CELF4: variants seen among roughly 807,000 people sequenced by gnomAD.
CELF4 encodes the protein CUGBP Elav-like family member 4, also known as CUG-BP- and ETR-3-like factor 4.
In CELF4, 18 loss-of-function variants were observed where a neutral mutation model predicts 59.9. The observed-to-expected ratio is 0.30, with a 90% CI of 0.21 to 0.45. CELF4 has a LOEUF of 0.45. CELF4 is among the 20% of genes least tolerant of loss of function. CELF4 has a pLI of 1.00. For synonymous variants in CELF4, 261 were observed against 267.1 expected, an observed-to-expected ratio of 0.98 and a Z score of 0.22; for missense variants, 456 against 689.0, an observed-to-expected ratio of 0.66 and a Z score of 3.79.
rs191018945 is a variant in CELF4 at position 37,384,159 on chromosome 18, C to G, written c.370-62278G>C. Among the ~76,000 whole-genome samples the G allele has an allele frequency of 2.6e-5, 4 of 152,202 alleles. No individual in the cohort carries two copies. In the East Asian group the frequency reaches 5.8e-4, roughly 22 times the overall value. On this transcript the variant is annotated intron_variant, in intron 2 of 12. Transcript: ENST00000420428. ...GACGAGAGGAAGTCGTACAGGTTGG[C>G]TAGTGGGAGGGGGACAAATTTGGCT...
intron 1 of CELF4, among the ~76,000 whole-genome samples, chr18:37,495,824 C>T (rs1603642654): frequency 6.6e-6 from 1 of 151,948 alleles, no homozygotes; most frequent in Non-Finnish European, 1.5e-5. Flanking sequence ...AGCTCTCTGC[C>T]CTCATGATTT....
intron 2 of CELF4, among the ~76,000 whole-genome samples, chr18:37,479,119 C>G (rs2099858970): frequency 6.6e-6 from 1 of 152,234 alleles, no homozygotes; most frequent in African/African-American, 2.4e-5. Flanking sequence ...ATGTGAACGG[C>G]AGGCGACAAA....
chr18:37,373,993 C>T (rs2098935385), intron 2 of CELF4, among the ~76,000 whole-genome samples: 1 of 152,208 alleles, frequency 6.6e-6, no homozygotes, highest in Non-Finnish European at 1.5e-5. Flanking sequence ...CATCAGCTCT[C>T]ACCAAATGAA....
intron 2 of CELF4, among the ~76,000 whole-genome samples, chr18:37,478,472 G>A (rs777611564): frequency 1.3e-5 from 2 of 152,242 alleles, no homozygotes; most frequent in Admixed American, 6.5e-5. Flanking sequence ...GGACTATGTC[G>A]TGGGGGCCAC....
rs531061181 is a variant in CELF4 at position 37,374,668 on chromosome 18, C to T, written c.370-52787G>A. 1.8e-4 allele frequency among the ~76,000 whole-genome samples: 27 copies of T among 152,300 alleles called. No homozygotes were observed. The South Asian group carries it at 5.6e-3, about 32-fold the overall frequency. ...TGGGGGCATTGTTCTGAGTCAGTCT[C>T]TGATGGAAAAGCCTTAGGAAGACCA... On this transcript the variant is annotated intron_variant, in intron 2 of 12. Transcript: ENST00000420428.
In CELF4 at chr18:37,442,015, C is replaced by A. The variant is rs9965942; in HGVS notation, c.369+43510G>T. Reference sequence around the variant, plus strand: ...CAGTGCGTCACCCAAACCGCAAAGACCCTAGATGACACGGTGTGTCACCCT... The same window carrying A: ...CAGTGCGTCACCCAAACCGCAAAGAACCTAGATGACACGGTGTGTCACCCT... On this transcript the variant is annotated intron_variant, in intron 2 of 12. Coordinates refer to ENST00000420428, the MANE Select transcript of CELF4 (RefSeq NM_020180.4). Among the ~76,000 whole-genome samples, 488 of 77,830 alleles carry A rather than the reference C, an allele frequency of 6.3e-3. 3 individuals carry two copies. The highest frequency in any genetic ancestry group is 0.019 in the African/African-American group (453 of 23,532). The allele number at this position is 77,830 out of a possible 152,430, so 51.1% of individuals were successfully genotyped here. A position where few individuals can be genotyped will look rare whatever the true frequency, so the allele number is the denominator to read the frequency against.
In CELF4 at chr18:37,254,367, G is replaced by A. The variant is rs2067766362; in HGVS notation, c.1334-429C>T. ...GACAGGAGGGGGCCTGGCAGCGCGC[G>A]GGCACAGGGTGCCGGCCTGGGGAGA... On this transcript the variant is annotated intron_variant, in intron 11 of 12. Coordinates refer to ENST00000420428, the MANE Select transcript of CELF4 (RefSeq NM_020180.4). The surrounding 1 kb of genome is among the most constrained non-coding windows in gnomAD (Gnocchi z 5.1). Among the ~76,000 whole-genome samples, 1 of 151,894 alleles carries A rather than the reference G, an allele frequency of 6.6e-6. No individual in the cohort carries two copies. The highest frequency in any genetic ancestry group is 6.5e-5 in the Admixed American group (1 of 15,272).
Position 37,321,829 on chromosome 18 carries a change from C to G in CELF4, c.422G>C (p.Ser141Thr), listed in dbSNP as rs781260362. The change falls in exon 3 of 13, where the codon AGT (serine) becomes ACT (threonine). Residue 141 changes from serine (S) to threonine (T), a missense_variant. By Grantham distance (58) the Ser-to-Thr change is moderately conservative. Around this residue, in one of 7 missense-constraint regions of CELF4, gnomAD observed 63 missense variants for 110.6 expected, o/e 0.57. Transcript: ENST00000420428. ...TGAAGGGGGCTGGCGCAGGCAGCTA[C>G]TACCTCCTCGGCTCTCGCTGTCCGC... is the stretch of plus-strand genomic sequence containing the variant. ...KPADSESRGG[S>T]SCLRQPPSQD... 1.2e-6 allele frequency: 2 copies of G among 1,613,252 alleles called. No homozygotes were observed. The highest frequency in any genetic ancestry group is 4.5e-5 in the East Asian group (2 of 44,816).
intron 3 of CELF4, among the ~76,000 whole-genome samples, chr18:37,295,694 G>A (rs1302383065): frequency 2.0e-5 from 3 of 152,242 alleles, no homozygotes; most frequent in African/African-American, 7.2e-5. Flanking sequence ...AGTTAGTAAT[G>A]GGTAGAATAT....
intron 2 of CELF4, among the ~76,000 whole-genome samples, chr18:37,425,427 T>G (rs530444780): frequency 6.6e-6 from 1 of 152,372 alleles, no homozygotes; most frequent in East Asian, 1.9e-4. Context: ...GAGGGGTCTC[T>G]GAGAGGCAGC....
At chr18:37,436,371 A>G (rs181919319) in intron 2 of CELF4, among the ~76,000 whole-genome samples, 1 of 152,338 alleles carries the variant, frequency 6.6e-6, no homozygotes, top group East Asian at 1.9e-4. Flanking sequence ...GTGCTGTGCT[A>G]AAAGCTCCTC....
chr18:37,463,371 A>G (rs898350979), intron 2 of CELF4, among the ~76,000 whole-genome samples: 5 of 152,270 alleles, frequency 3.3e-5, no homozygotes, highest in African/African-American at 1.2e-4. Flanking sequence ...GGCACCCGAC[A>G]TATTTGTGGA....
chr18:37,299,664 T>C (rs917099231), intron 3 of CELF4, among the ~76,000 whole-genome samples: 1 of 152,222 alleles, frequency 6.6e-6, no homozygotes, highest in Non-Finnish European at 1.5e-5. Context: ...AGTTAAGTAT[T>C]TACAGATATG....
chr18:37,472,293 G>T (rs576961709), intron 2 of CELF4, among the ~76,000 whole-genome samples: 120 of 152,378 alleles, frequency 7.9e-4, no homozygotes, highest in Middle Eastern at 3.4e-3. Context: ...ATTCAGCGTG[G>T]TAGGGTTTGT....
chr18:37,527,862 C>T (rs1427420593), intron 1 of CELF4, among the ~76,000 whole-genome samples: 1 of 152,210 alleles, frequency 6.6e-6, no homozygotes, highest in African/African-American at 2.4e-5. Context: ...AGCTGCACTG[C>T]ATTTGATTTC....
At chr18:37,450,731 C>T (rs1435701926) in intron 2 of CELF4, among the ~76,000 whole-genome samples, 1 of 152,146 alleles carries the variant, frequency 6.6e-6, no homozygotes, top group Non-Finnish European at 1.5e-5. Flanking sequence ...GATGCCTTCC[C>T]CTCCCCCATG....
intron 1 of CELF4, among the ~76,000 whole-genome samples, chr18:37,534,472 A>G (rs1032180147): frequency 6.6e-6 from 1 of 152,140 alleles, no homozygotes; most frequent in Middle Eastern, 3.2e-3. Flanking sequence ...TACTTATGCT[A>G]ATAGCAGACC....
At chr18:37,324,268 T>C (rs2097221120) in intron 2 of CELF4, among the ~76,000 whole-genome samples, 1 of 152,124 alleles carries the variant, frequency 6.6e-6, no homozygotes, top group African/African-American at 2.4e-5. Context: ...CTAACCCCCA[T>C]TGTGACTGTA....
At chr18:37,545,802 G>A (rs1263679875) in intron 1 of CELF4, among the ~76,000 whole-genome samples, 1 of 151,880 alleles carries the variant, frequency 6.6e-6, no homozygotes, top group African/African-American at 2.4e-5. Flanking sequence ...CTGTCTCCAA[G>A]AAGAGACCTC....
Sources: gnomAD v4.1 joint callset for allele counts (sites outside exome capture counted in the v4.1 genomes callset) on GRCh38, gnomAD v4.1.1 for gene constraint, gnomAD v4.1.1 regional missense constraint, Gnocchi (gnomAD v3.1) non-coding constraint, MANE v1.5 for transcripts, NCBI Gene and HGNC (gene_info 2026-07-23, HGNC 2026-07-21) for gene names.